The following TOP1 variants were observed in gnomAD, a reference collection of about 807,000 sequenced individuals.
TOP1 encodes the protein DNA topoisomerase 1.
Under a neutral mutation model 111.1 loss-of-function variants are expected in TOP1, and 10 were observed. That is an observed-to-expected ratio of 0.09 (90% CI 0.06 to 0.15). TOP1 has a LOEUF of 0.15. Ranked by LOEUF, TOP1 falls within the 10% of genes least tolerant of loss-of-function variation. The pLI, the probability that TOP1 is intolerant of heterozygous loss-of-function variation, is 1.00. For missense variants in TOP1, 474 were observed against 926.7 expected, an observed-to-expected ratio of 0.51 and a Z score of 6.34; for synonymous variants, 271 against 302.9, an observed-to-expected ratio of 0.89 and a Z score of 1.10.
In TOP1 at chr20:41,058,228, A is replaced by G. The variant is rs990193085; in HGVS notation, c.59-3166A>G. 2.0e-5 allele frequency among the ~76,000 whole-genome samples: 3 copies of G among 152,244 alleles called. No homozygotes were observed. ...TGGCTTCTTTTGCTGTGAGCCAGTC[A>G]TGGGATGAAGACACATTGCCTATGC... On this transcript the variant is annotated intron_variant, in intron 2 of 20. Coordinates refer to ENST00000361337, the MANE Select transcript of TOP1 (RefSeq NM_003286.4). The surrounding 1 kb of genome is among the most constrained non-coding windows in gnomAD (Gnocchi z 4.2).
intron 2 of TOP1, among the ~76,000 whole-genome samples, chr20:41,045,089 A>T (rs1187283573): frequency 6.6e-6 from 1 of 152,202 alleles, no homozygotes; most frequent in African/African-American, 2.4e-5. Context: ...CACCTGGCCT[A>T]TATGAGGTTT....
rs1022450339 is a variant in TOP1, at chr20:41,078,724, A to G, written c.335+1087A>G. Among the ~76,000 whole-genome samples the G allele has an allele frequency of 6.6e-6, 1 of 152,236 alleles. No homozygotes were observed. Among genetic ancestry groups the G allele is most frequent in the African/African-American group, 2.4e-5 (1 of 41,470 alleles). ...TGAATAAATTTTTTGGACTTGGTGC[A>G]TAGTCATGAATTCATTTTCAGACTT... On this transcript the variant is annotated intron_variant, in intron 5 of 20. Transcript: ENST00000361337. The surrounding 1 kb of genome is among the most constrained non-coding windows in gnomAD (Gnocchi z 5.3).
chr20:41,093,192 A>ATTTGTATCCT (rs1196986938), intron 9 of TOP1, among the ~76,000 whole-genome samples: 2 of 152,208 alleles, frequency 1.3e-5, no homozygotes, highest in East Asian at 3.9e-4. Flanking sequence ...TGTCGTTGGT[A>ATTTGTATCCT]TTTGTATCCT....
intron 3 of TOP1, among the ~76,000 whole-genome samples, chr20:41,070,274 G>A (rs994465424): frequency 8.5e-5 from 13 of 152,162 alleles, no homozygotes; most frequent in African/African-American, 1.9e-4. Flanking sequence ...AATGGGTATC[G>A]GTTTTGCCAT....
rs916062326 is a variant in TOP1 at position 41,112,372 on chromosome 20, T to A, written c.1309-410T>A. On this transcript the variant is annotated intron_variant, in intron 13 of 20. Coordinates refer to ENST00000361337, the MANE Select transcript of TOP1 (RefSeq NM_003286.4). This position sits in a 1 kb window ranked among gnomAD's most constrained non-coding sequence, Gnocchi z 5.8. Reference sequence around the variant, plus strand: ...AGAAGTTAGTTTTTGGGACATCCCATGTGGGTTTTTCCCAGGAACATAAAC... The same window carrying A: ...AGAAGTTAGTTTTTGGGACATCCCAAGTGGGTTTTTCCCAGGAACATAAAC... 3.3e-5 allele frequency among the ~76,000 whole-genome samples: 5 copies of A among 152,228 alleles called. No homozygotes were observed. Among genetic ancestry groups the A allele is most frequent in the Non-Finnish European group, 4.4e-5 (3 of 68,034 alleles).
chr20:41,119,045 T>C (rs907057385), intron 18 of TOP1, among the ~76,000 whole-genome samples: 9 of 152,200 alleles, frequency 5.9e-5, no homozygotes, highest in Non-Finnish European at 1.0e-4. Flanking sequence ...ATAGAACAGA[T>C]ACACAGGGTT....
rs564285418 is a variant in TOP1 at position 41,050,135 on chromosome 20, G to C, written c.59-11259G>C. Among the ~76,000 whole-genome samples the C allele has an allele frequency of 7.5e-4, 115 of 152,322 alleles. 2 individuals carry two copies. The highest frequency in any genetic ancestry group is 2.7e-3 in the African/African-American group (113 of 41,576). On this transcript the variant is annotated intron_variant, in intron 2 of 20. Coordinates refer to ENST00000361337, the MANE Select transcript of TOP1 (RefSeq NM_003286.4). ...GGGTTCAAGTGATTCTCCTGCCTCA[G>C]CCTCCCAAGTAGCTGGGATTACAGG... is the stretch of plus-strand genomic sequence containing the variant.
At chr20:41,084,254 GTTGT>G (rs1214502721) in intron 7 of TOP1, among the ~76,000 whole-genome samples, 1 of 152,042 alleles carries the variant, frequency 6.6e-6, no homozygotes, top group Non-Finnish European at 1.5e-5. Flanking sequence ...TTCTCAAGTA[GTTGT>G]TTGTCAGGAA....
chr20:41,077,703 G>A (rs1600575315), intron 5 of TOP1, 66 bp downstream of exon 5: 3 of 1,489,756 alleles, frequency 2.0e-6, no homozygotes, highest in Non-Finnish European at 2.8e-6. Flanking sequence ...TGCCTGTGTT[G>A]TAGTGTTGTC....
chr20:41,060,576 T>C (rs2033532265), intron 2 of TOP1, among the ~76,000 whole-genome samples: 1 of 152,146 alleles, frequency 6.6e-6, no homozygotes, highest in African/African-American at 2.4e-5. Context: ...AAATCTTTAT[T>C]GTAGTGGGGA....
At chr20:41,091,562 T>TTC (rs2033920334) in intron 8 of TOP1, among the ~76,000 whole-genome samples, 1 of 143,238 alleles carries the variant, frequency 7.0e-6, no homozygotes, top group African/African-American at 2.6e-5. Context: ...CTTTTTTTTT[T>TTC]TTTTTTTTTT....
rs966704907 is a variant in TOP1, at chr20:41,122,216, G to A, written c.2195+61G>A. 6.5e-5 allele frequency: 102 copies of A among 1,568,212 alleles called. 1 individual carries two copies. In the African/African-American group the frequency reaches 1.2e-3, roughly 19 times the overall value. On this transcript the variant is annotated intron_variant, in intron 20 of 20. Coordinates refer to ENST00000361337, the MANE Select transcript of TOP1 (RefSeq NM_003286.4). The surrounding 1 kb of genome is among the most constrained non-coding windows in gnomAD (Gnocchi z 5.4). ...GCTTAAGAAAGGTGGAGGGGGTTCCGAGAGCACTGGTGGCCTTCACATGCC... is the reference window on the plus strand; with the variant it reads ...GCTTAAGAAAGGTGGAGGGGGTTCCAAGAGCACTGGTGGCCTTCACATGCC...
rs1185009137 is a variant in TOP1 at position 41,112,085 on chromosome 20, A to C, written c.1309-697A>C. 6.6e-6 allele frequency among the ~76,000 whole-genome samples: 1 copy of C among 152,210 alleles called. No homozygotes were observed. The highest frequency in any genetic ancestry group is 1.5e-5 in the Non-Finnish European group (1 of 68,044). On this transcript the variant is annotated intron_variant, in intron 13 of 20. Transcript: ENST00000361337. This position sits in a 1 kb window ranked among gnomAD's most constrained non-coding sequence, Gnocchi z 5.8. ...CAGAAACATAGTTTCTCTCAATCTC[A>C]TCAAGAAATGCTTTTAAATGCAGAA...
Position 41,087,102 on chromosome 20 carries a change from C to T in TOP1, c.614+2534C>T, listed in dbSNP as rs1051255390. ...AGATCTTTTTCTTCCCTCGTAAGTC[C>T]GCAGACCTGTTTGTCTTTACCAGAA... On this transcript the variant is annotated intron_variant, in intron 8 of 20. Coordinates refer to ENST00000361337, the MANE Select transcript of TOP1 (RefSeq NM_003286.4). 3.3e-5 allele frequency among the ~76,000 whole-genome samples: 5 copies of T among 152,292 alleles called. 1 individual carries two copies. The highest frequency in any genetic ancestry group is 2.6e-4 in the Admixed American group (4 of 15,302).
intron 2 of TOP1, among the ~76,000 whole-genome samples, chr20:41,042,633 A>G (rs1028682996): frequency 6.6e-6 from 1 of 152,226 alleles, no homozygotes; most frequent in African/African-American, 2.4e-5. Context: ...AAGCATTTGA[A>G]TAAAGCAGTA....
intron 2 of TOP1, among the ~76,000 whole-genome samples, chr20:41,060,286 A>G (rs896520392): frequency 5.3e-5 from 8 of 152,266 alleles, no homozygotes; most frequent in African/African-American, 1.9e-4. Flanking sequence ...GGTAAGTTAC[A>G]GTATATCCAC....
intron 2 of TOP1, among the ~76,000 whole-genome samples, chr20:41,041,437 CAAAA>C (rs780663951): frequency 1.0e-4 from 9 of 89,002 alleles, no homozygotes; most frequent in African/African-American, 1.3e-4. Flanking sequence ...GACCCTGTCT[CAAAA>C]AAAAAAAAAA....
rs2145925187 is a variant in TOP1 at position 41,058,104 on chromosome 20, G to A, written c.59-3290G>A. On this transcript the variant is annotated intron_variant, in intron 2 of 20. Transcript: ENST00000361337. The surrounding 1 kb of genome is among the most constrained non-coding windows in gnomAD (Gnocchi z 4.2). ...ATATGATATTATTTTTCCCATCTCT[G>A]TAGGATGGGAATTTCTTACAGTTAG... Among the ~76,000 whole-genome samples, 1 of 152,132 alleles carries A rather than the reference G, an allele frequency of 6.6e-6. No individual in the cohort carries two copies. The highest frequency in any genetic ancestry group is 1.9e-4 in the East Asian group (1 of 5,200).
chr20:41,044,137 G>A (rs1055877343), intron 2 of TOP1, among the ~76,000 whole-genome samples: 5 of 152,134 alleles, frequency 3.3e-5, no homozygotes, highest in Non-Finnish European at 7.4e-5. Context: ...TTAGCCAGGC[G>A]TGGTGGCAGA....
Sources: gnomAD v4.1 joint callset for allele counts (sites outside exome capture counted in the v4.1 genomes callset) on GRCh38, gnomAD v4.1.1 for gene constraint, Gnocchi (gnomAD v3.1) non-coding constraint, MANE v1.5 for transcripts, NCBI Gene and HGNC (gene_info 2026-07-23, HGNC 2026-07-21) for gene names.